The following SDK1 variants were observed in gnomAD, a reference collection of about 807,000 sequenced individuals.
SDK1 encodes sidekick cell adhesion molecule 1.
Under a neutral mutation model 245.5 loss-of-function variants are expected in SDK1, and 157 were observed. The ratio of observed to expected loss-of-function variants is 0.64; its 90% CI spans 0.56 to 0.73. SDK1 has a LOEUF of 0.73. Among genes scored for constraint, SDK1 ranks in the 30% least tolerant of loss-of-function variants. The probability of loss-of-function intolerance (pLI) is 0.00; values close to 1 mark genes in which losing one functional copy is unlikely to be tolerated. For missense variants in SDK1, 3,583 were observed against 3,002.3 expected (o/e 1.19, Z -4.52); for synonymous variants, 1,647 against 1,278.5 (o/e 1.29, Z -6.15).
chr7:3,818,118 G>T (rs1779554890), intron 4 of SDK1, among the ~76,000 whole-genome samples: 1 of 152,146 alleles, frequency 6.6e-6, no homozygotes, highest in South Asian at 2.1e-4. Context: ...CATGGAATTG[G>T]GAGTTAAAAT....
intron 1 of SDK1, among the ~76,000 whole-genome samples, chr7:3,321,238 G>C (rs111475423): frequency 6.6e-6 from 1 of 152,220 alleles, no homozygotes; most frequent in East Asian, 1.9e-4. Flanking sequence ...CCTTAGAAAC[G>C]TCAAAATCAA....
intron 23 of SDK1, 111 bp downstream of exon 23, chr7:4,110,883 C>T (rs1264023876): frequency 1.3e-6 from 1 of 740,856 alleles, no homozygotes. Flanking sequence ...CAGATGTTTC[C>T]TAGTGGCAAT....
intron 5 of SDK1, among the ~76,000 whole-genome samples, chr7:3,892,009 A>C (rs1583519360): frequency 1.3e-5 from 2 of 152,098 alleles, no homozygotes; most frequent in African/African-American, 4.8e-5. Context: ...TAGTTAGGCC[A>C]ATTTTCTAAG....
Position 3,491,111 on chromosome 7 carries a change from G to T in SDK1, c.299-127969G>T, listed in dbSNP as rs537051010. 7.2e-5 allele frequency among the ~76,000 whole-genome samples: 11 copies of T among 152,292 alleles called. No individual in the cohort carries two copies. In the East Asian group the frequency reaches 2.1e-3, roughly 29 times the overall value. ...ACAGCCGAAAAAGGTTAAGGACCTT[G>T]TCACTGAACTGCCCAGTAGAAGTTC... is the stretch of plus-strand genomic sequence containing the variant. On this transcript the variant is annotated intron_variant, in intron 1 of 44. Coordinates refer to ENST00000404826, the MANE Select transcript of SDK1 (RefSeq NM_152744.4).
chr7:3,600,800 G>A (rs1314080648), intron 1 of SDK1, among the ~76,000 whole-genome samples: 1 of 151,922 alleles, frequency 6.6e-6, no homozygotes, highest in East Asian at 1.9e-4. Flanking sequence ...CGGCCATCTC[G>A]GCCTCCCAAA....
chr7:4,169,606 C>G (rs893727348), intron 32 of SDK1, among the ~76,000 whole-genome samples: 1 of 152,208 alleles, frequency 6.6e-6, no homozygotes, highest in African/African-American at 2.4e-5. Flanking sequence ...ACCCGGTGCA[C>G]TATAGCTCAG....
intron 25 of SDK1, 124 bp from the exon 26 acceptor site, chr7:4,127,257 A>G: frequency 1.4e-6 from 1 of 726,986 alleles, no homozygotes; most frequent in Non-Finnish European, 2.5e-6. Context: ...TAATCTGATC[A>G]CTACAAAATG....
intron 1 of SDK1, among the ~76,000 whole-genome samples, chr7:3,562,267 G>C (rs1378406659): frequency 6.6e-6 from 1 of 152,186 alleles, no homozygotes; most frequent in Non-Finnish European, 1.5e-5. Flanking sequence ...CATCAGCTTT[G>C]ATCCCTACCT....
At chr7:3,715,537 A>C (rs1398151147) in intron 4 of SDK1, among the ~76,000 whole-genome samples, 1 of 152,186 alleles carries the variant, frequency 6.6e-6, no homozygotes, top group Admixed American at 6.5e-5. Context: ...ACAGGAGGCA[A>C]TAGCAGGGAT....
chr7:3,506,305 T>C lies in SDK1; in HGVS notation c.299-112775T>C, dbSNP rs192563234. Among the ~76,000 whole-genome samples, 17 of 152,292 alleles carry C rather than the reference T, an allele frequency of 1.1e-4. No individual in the cohort carries two copies. In the East Asian group the frequency reaches 3.3e-3, roughly 29 times the overall value. ...CCTGAACTTTGAAGATGTTCTTCTA[T>C]TGTCTTCTGGCTTATATTGTGTCTG... On this transcript the variant is annotated intron_variant, in intron 1 of 44. Transcript: ENST00000404826.
chr7:3,563,690 A>G (rs73296278), intron 1 of SDK1, among the ~76,000 whole-genome samples: 3,934 of 152,274 alleles, frequency 0.026, 162 homozygotes, highest in African/African-American at 0.088. Context: ...GAAAAATACA[A>G]TTAATAAGCA....
Position 3,971,517 on chromosome 7 carries a change from C to G in SDK1, c.1766C>G (p.Thr589Ser). 6.2e-7 allele frequency: 1 copy of G among 1,613,768 alleles called. No individual in the cohort carries two copies. The highest frequency in any genetic ancestry group is 8.5e-7 in the Non-Finnish European group (1 of 1,179,880). The change falls in exon 12 of 45, where the codon ACC becomes AGC. Residue 589 changes from threonine to serine, a missense_variant. Coordinates refer to ENST00000404826, the MANE Select transcript of SDK1 (RefSeq NM_152744.4). ...PPEDHVVIKG[T>S]TATLHCGATH... ...GAGGACCACGTGGTGATTAAGGGGA[C>G]CACGGCCACGCTGCACTGTGGTGCC...
At chr7:4,261,753 C>G (rs767559104) in intron 44 of SDK1, among the ~76,000 whole-genome samples, 5 of 152,096 alleles carry the variant, frequency 3.3e-5, no homozygotes, top group African/African-American at 7.2e-5. Context: ...CCTTGATACC[C>G]TCTGGGGAGA....
chr7:3,925,139 A>G (rs953373528), intron 5 of SDK1, among the ~76,000 whole-genome samples: 4 of 152,072 alleles, frequency 2.6e-5, no homozygotes, highest in Admixed American at 2.0e-4. Flanking sequence ...TCCAGGAACC[A>G]GGGCCCCAGA....
intron 5 of SDK1, among the ~76,000 whole-genome samples, chr7:3,851,465 T>A (rs1243055357): frequency 6.6e-6 from 1 of 152,254 alleles, no homozygotes; most frequent in East Asian, 1.9e-4. Context: ...CTTCTTTGCA[T>A]TGCGTGTTTA....
In SDK1 at chr7:3,454,423, T is replaced by TGTATGTGTGTGC. The variant is rs1554273965; in HGVS notation, c.298+152540_298+152541insTATGTGTGTGCG. Reference sequence around the variant, plus strand: ...GTGTGTGTGTGTGTGTGTGTGTGTGTGCTGTGTACATTTAAGTCTATGCAA... The same window carrying TGTATGTGTGTGC: ...GTGTGTGTGTGTGTGTGTGTGTGTGTGTATGTGTGTGCGCTGTGTACATTTAAGTCTATGCAA... On this transcript the variant is annotated intron_variant, in intron 1 of 44. Transcript: ENST00000404826. Among the ~76,000 whole-genome samples the TGTATGTGTGTGC allele has an allele frequency of 2.5e-3, 372 of 150,156 alleles. 2 individuals carry two copies. The highest frequency in any genetic ancestry group is 3.9e-3 in the Non-Finnish European group (262 of 67,652).
intron 1 of SDK1, among the ~76,000 whole-genome samples, chr7:3,334,000 G>C (rs929360056): frequency 6.6e-6 from 1 of 152,190 alleles, no homozygotes; most frequent in African/African-American, 2.4e-5. Context: ...CAAGAGTAAA[G>C]TGGCTACATC....
Position 3,967,326 on chromosome 7 carries a change from C to G in SDK1, c.1438C>G (p.Pro480Ala), listed in dbSNP as rs1189239143. The change falls in exon 10 of 45, where the codon CCA (proline) becomes GCA (alanine). Residue 480 changes from proline (P) to alanine (A), a missense_variant. Physicochemically the swap from Pro to Ala is conservative, Grantham distance 27. Coordinates refer to ENST00000404826, the MANE Select transcript of SDK1 (RefSeq NM_152744.4). ...HTYLDVTNIA[P>A]VFTQRPVDTT... ...TTTACTCCTCTTCTCAGATATCGCT[C>G]CAGTGTTCACCCAGCGGCCAGTGGA... 6.2e-7 allele frequency: 1 copy of G among 1,613,112 alleles called. No individual in the cohort carries two copies. The highest frequency in any genetic ancestry group is 1.3e-5 in the African/African-American group (1 of 75,040).
chr7:3,981,728 C>T (rs1246774131), intron 13 of SDK1, among the ~76,000 whole-genome samples: 1 of 152,176 alleles, frequency 6.6e-6, no homozygotes, highest in Non-Finnish European at 1.5e-5. Context: ...AAGGCCATAG[C>T]TCTCTTCAGT....
Sources: gnomAD v4.1 joint callset for allele counts (sites outside exome capture counted in the v4.1 genomes callset) on GRCh38, gnomAD v4.1.1 for gene constraint, MANE v1.5 for transcripts, NCBI Gene and HGNC (gene_info 2026-07-23, HGNC 2026-07-21) for gene names.